The following ABCC4 variants were observed in gnomAD, a reference collection of about 807,000 sequenced individuals.
ABCC4 encodes ATP-binding cassette sub-family C member 4.
ABCC4 carries 102 observed loss-of-function variants against 168.5 expected under a neutral mutation model. The observed-to-expected ratio is 0.61, with a 90% CI of 0.52 to 0.71. The LOEUF (loss-of-function observed/expected upper bound fraction) is 0.71, where lower values mean the gene tolerates loss of function less well. Among genes scored for constraint, ABCC4 ranks in the 30% least tolerant of loss-of-function variants. ABCC4 has a pLI of 0.00. For missense variants in ABCC4, 1,402 were observed against 1,605.8 expected (o/e 0.87, Z 2.17); for synonymous variants, 617 against 590.7 (o/e 1.04, Z -0.65).
chr13:95,184,788 C>A (rs983240129), intron 11 of ABCC4, among the ~76,000 whole-genome samples: 2 of 152,168 alleles, frequency 1.3e-5, no homozygotes, highest in Admixed American at 6.5e-5. Flanking sequence ...TGAAAAATGG[C>A]GTACCATCTT....
chr13:95,300,892 C>A lies in ABCC4; in HGVS notation c.74+349G>T, dbSNP rs201964283. On this transcript the variant is annotated intron_variant, in intron 1 of 30. Coordinates refer to ENST00000645237, the MANE Select transcript of ABCC4 (RefSeq NM_005845.5). ...GTAAGGGGTGCAGTCGCTTCTCCCG[C>A]TGGGCAAGAGACTCCCCCTTTCGGC... 1.1e-4 allele frequency among the ~76,000 whole-genome samples: 16 copies of A among 152,330 alleles called. No homozygotes were observed. The East Asian group carries it at 2.9e-3, about 28-fold the overall frequency.
intron 19 of ABCC4, among the ~76,000 whole-genome samples, chr13:95,122,255 G>A (rs2035595263): frequency 6.6e-6 from 1 of 151,924 alleles, no homozygotes; most frequent in African/African-American, 2.4e-5. Context: ...TGATCTCCCA[G>A]CCCAGGGCTT....
intron 4 of ABCC4, among the ~76,000 whole-genome samples, chr13:95,224,377 G>GA (rs940935638): frequency 4.1e-5 from 6 of 146,692 alleles, no homozygotes; most frequent in Non-Finnish European, 6.0e-5. Flanking sequence ...TGCTTCAAAA[G>GA]AAAAAAAAAA....
At chr13:95,044,878 G>A (rs2032512215) in intron 27 of ABCC4, among the ~76,000 whole-genome samples, 1 of 152,156 alleles carries the variant, frequency 6.6e-6, no homozygotes, top group African/African-American at 2.4e-5. Context: ...AGGGGCTGGA[G>A]GATTAACTGT....
intron 4 of ABCC4, among the ~76,000 whole-genome samples, chr13:95,217,474 G>A (rs1594318391): frequency 6.6e-6 from 1 of 152,278 alleles, no homozygotes; most frequent in East Asian, 1.9e-4. Flanking sequence ...GCTCATGCCT[G>A]TAATCCTAGC....
chr13:95,243,057 A>G (rs2039989378), intron 3 of ABCC4, among the ~76,000 whole-genome samples: 1 of 152,226 alleles, frequency 6.6e-6, no homozygotes, highest in Admixed American at 6.5e-5. Context: ...GTCTAATTTT[A>G]TACCATAAAC....
intron 19 of ABCC4, among the ~76,000 whole-genome samples, chr13:95,122,170 T>C (rs890119829): frequency 6.6e-6 from 1 of 152,226 alleles, no homozygotes; most frequent in Non-Finnish European, 1.5e-5. Flanking sequence ...TTTCTGATTC[T>C]CTTCTCGAAC....
intron 11 of ABCC4, among the ~76,000 whole-genome samples, chr13:95,182,093 A>G (rs926239805): frequency 8.5e-5 from 13 of 152,170 alleles, no homozygotes; most frequent in Admixed American, 3.3e-4. Context: ...CCGGGCCCTC[A>G]GCATTTATTT....
At chr13:95,071,631 A>C (rs2033726104) in intron 25 of ABCC4, 31 bp downstream of exon 25, 2 of 1,394,796 alleles carry the variant, frequency 1.4e-6, no homozygotes, top group Non-Finnish European at 1.9e-6. Context: ...ATCTTCTGAA[A>C]TTGAGAAGAG....
intron 14 of ABCC4, among the ~76,000 whole-genome samples, chr13:95,168,988 C>T (rs1458422021): frequency 6.6e-6 from 1 of 152,024 alleles, no homozygotes; most frequent in Non-Finnish European, 1.5e-5. Flanking sequence ...GACTGATGTC[C>T]TTATAGGAAG....
At chr13:95,170,026 T>A (rs930478856) in intron 14 of ABCC4, among the ~76,000 whole-genome samples, 4 of 152,094 alleles carry the variant, frequency 2.6e-5, no homozygotes, top group African/African-American at 9.7e-5. Flanking sequence ...TGGGCTAATT[T>A]TTTGTATTTT....
At chr13:95,199,046 A>G (rs769961227) in intron 8 of ABCC4, among the ~76,000 whole-genome samples, 1 of 152,318 alleles carries the variant, frequency 6.6e-6, no homozygotes, top group East Asian at 1.9e-4. Flanking sequence ...TGATGGGTGC[A>G]GCAAACCACC....
At chr13:95,121,421 GT>G (rs1359646289) in intron 19 of ABCC4, among the ~76,000 whole-genome samples, 2 of 135,824 alleles carry the variant, frequency 1.5e-5, no homozygotes, top group South Asian at 2.3e-4. Flanking sequence ...ACTTTATGGG[GT>G]TTTTTTTTGT....
chr13:95,074,211 TA>T lies in ABCC4; in HGVS notation c.2917+2del. 6.2e-7 allele frequency: 1 copy of T among 1,606,764 alleles called. No homozygotes were observed. The highest frequency in any genetic ancestry group is 8.5e-7 in the Non-Finnish European group (1 of 1,174,036). On this transcript the variant is annotated splice_donor_variant, in intron 23 of 30. Transcript: ENST00000645237. LOFTEE classifies it high-confidence loss of function. Reference sequence around the variant, plus strand: ...ATACATAGTTATTCACATCTGTACTTACTTTTTGCCAGAATCAGGGACCCAA... The same window carrying T: ...ATACATAGTTATTCACATCTGTACTTCTTTTTGCCAGAATCAGGGACCCAA...
intron 19 of ABCC4, among the ~76,000 whole-genome samples, chr13:95,147,417 T>C (rs1203823599): frequency 6.6e-6 from 1 of 152,162 alleles, no homozygotes; most frequent in Non-Finnish European, 1.5e-5. Flanking sequence ...TTAAACATAT[T>C]TTGCGCAAGA....
At chr13:95,157,711 T>C (rs1343264006) in intron 19 of ABCC4, among the ~76,000 whole-genome samples, 3 of 152,094 alleles carry the variant, frequency 2.0e-5, no homozygotes, top group Non-Finnish European at 4.4e-5. Context: ...CATGCAACCA[T>C]AGGTGGGTTC....
chr13:95,268,748 C>T (rs2040755305), intron 1 of ABCC4, among the ~76,000 whole-genome samples: 1 of 152,168 alleles, frequency 6.6e-6, no homozygotes, highest in Non-Finnish European at 1.5e-5. Flanking sequence ...TTCCTGCTGA[C>T]CCTCTCCCCA....
intron 1 of ABCC4, among the ~76,000 whole-genome samples, chr13:95,257,741 C>G (rs2040428688): frequency 6.6e-6 from 1 of 151,966 alleles, no homozygotes; most frequent in South Asian, 2.1e-4. Context: ...CCTTGTTGTT[C>G]AAGGGTCAAC....
chr13:95,187,239 T>C (rs2038095492), intron 10 of ABCC4, among the ~76,000 whole-genome samples: 1 of 152,188 alleles, frequency 6.6e-6, no homozygotes, highest in Admixed American at 6.5e-5. Context: ...ATATATCCAA[T>C]ACTGAATGCA....
Sources: gnomAD v4.1 joint callset for allele counts (sites outside exome capture counted in the v4.1 genomes callset) on GRCh38, gnomAD v4.1.1 for gene constraint, MANE v1.5 for transcripts, NCBI Gene and HGNC (gene_info 2026-07-23, HGNC 2026-07-21) for gene names.